Variants in ARL17B observed in about 807,000 individuals in gnomAD.
ARL17B encodes the protein ADP-ribosylation factor-like protein 17.
chr17:46,324,874 A>G lies in ARL17B; in HGVS notation c.260-25209T>C, dbSNP rs1424430951. On this transcript the variant is annotated intron_variant, in intron 3 of 4. Transcript: ENST00000434041. ...TATATTTATATATATGTACGTGTATATATGTATATGTATGCCTGCAGGGCC... is the reference window on the plus strand; with the variant it reads ...TATATTTATATATATGTACGTGTATGTATGTATATGTATGCCTGCAGGGCC... 6.6e-5 allele frequency among the ~76,000 whole-genome samples: 5 copies of G among 75,478 alleles called. 1 individual carries two copies. The highest frequency in any genetic ancestry group is 1.4e-4 in the Admixed American group (1 of 7,024). The allele number at this position is 75,478 out of a possible 152,430, so 49.5% of individuals were successfully genotyped here.
chr17:46,290,532 C>T (rs1305109052), intron 4 of ARL17B, among the ~76,000 whole-genome samples: 13 of 152,228 alleles, frequency 8.5e-5, no homozygotes, highest in South Asian at 2.1e-4. Context: ...CTGCAACCTC[C>T]GCCTTCTGGG....
At chr17:46,275,197 GC>G (rs2143282304) in exon 5 of ARL17B, 1 of 322,356 alleles carries the variant, frequency 3.1e-6, no homozygotes, top group South Asian at 4.3e-5. Context: ...TGGCAACTTT[GC>G]TTTTTTCTTG....
chr17:46,276,893 T>C (rs2049604884), intron 4 of ARL17B, among the ~76,000 whole-genome samples: 1 of 149,036 alleles, frequency 6.7e-6, no homozygotes, highest in Non-Finnish European at 1.5e-5. Context: ...AGCCTCAACC[T>C]CCAGGGCTCA....
At chr17:46,277,653 C>CTTTCTTTCTTTCT (rs143961379) in intron 4 of ARL17B, among the ~76,000 whole-genome samples, 165 of 137,868 alleles carry the variant, frequency 1.2e-3, no homozygotes, top group Admixed American at 2.0e-3. Flanking sequence ...TTCTTTCTTT[C>CTTTCTTTCTTTCT]TTTTTTTTTT....
chr17:46,350,848 C>CA (rs1200405020), intron 3 of ARL17B, among the ~76,000 whole-genome samples: 64 of 18,898 alleles, frequency 3.4e-3, no homozygotes, highest in East Asian at 0.013. Context: ...ACCCTGTCTC[C>CA]AAAAAAAAAA....
chr17:46,286,286 T>C (rs1430820479), intron 4 of ARL17B, among the ~76,000 whole-genome samples: 12 of 152,178 alleles, frequency 7.9e-5, no homozygotes, highest in Non-Finnish European at 8.8e-5. Flanking sequence ...GTAAAAAAAT[T>C]TATAAGAACA....
At chr17:46,286,310 G>A (rs1041894217) in intron 4 of ARL17B, among the ~76,000 whole-genome samples, 1 of 152,206 alleles carries the variant, frequency 6.6e-6, no homozygotes, top group African/African-American at 2.4e-5. Context: ...TAATTTTGGA[G>A]AACCAATTTA....
intron 4 of ARL17B, among the ~76,000 whole-genome samples, chr17:46,276,997 GT>G (rs1167294341): frequency 7.5e-6 from 1 of 133,252 alleles, no homozygotes; most frequent in Non-Finnish European, 1.8e-5. Context: ...TAGAGATGGG[GT>G]TTCCCCATGT....
chr17:46,286,063 T>C (rs575326560), intron 4 of ARL17B, among the ~76,000 whole-genome samples: 22 of 152,312 alleles, frequency 1.4e-4, no homozygotes, highest in African/African-American at 4.8e-4. Flanking sequence ...TGGTACCAAT[T>C]CTGACACCGA....
intron 4 of ARL17B, among the ~76,000 whole-genome samples, chr17:46,277,794 C>T (rs1161393683): frequency 6.6e-6 from 1 of 150,788 alleles, no homozygotes; most frequent in Non-Finnish European, 1.5e-5. Context: ...TTACAGGTGC[C>T]CACCCTTACG....
chr17:46,317,107 G>A (rs1431696031), intron 3 of ARL17B, among the ~76,000 whole-genome samples: 4 of 86,680 alleles, frequency 4.6e-5, no homozygotes, highest in African/African-American at 6.0e-5. Context: ...ATCATGGCCC[G>A]TTCTCAATGA....
At chr17:46,291,996 A>T (rs1338740777) in intron 4 of ARL17B, among the ~76,000 whole-genome samples, 1 of 130,632 alleles carries the variant, frequency 7.7e-6, no homozygotes, top group Non-Finnish European at 1.7e-5. Flanking sequence ...AAGCCAATAA[A>T]ATCAATGGTC....
At chr17:46,281,200 T>C (rs1402150154) in intron 4 of ARL17B, among the ~76,000 whole-genome samples, 1 of 152,184 alleles carries the variant, frequency 6.6e-6, no homozygotes, top group Non-Finnish European at 1.5e-5. Flanking sequence ...ACCTGGCTTA[T>C]AATGTTTATC....
At chr17:46,344,561 AC>A (rs1459793074) in intron 3 of ARL17B, among the ~76,000 whole-genome samples, 2 of 109,820 alleles carry the variant, frequency 1.8e-5, no homozygotes, top group African/African-American at 9.3e-5. Context: ...ATGCGTTTGT[AC>A]TAGGTGTTTA....
intron 4 of ARL17B, among the ~76,000 whole-genome samples, chr17:46,286,325 T>A (rs1368169029): frequency 1.3e-5 from 2 of 152,262 alleles, no homozygotes; most frequent in East Asian, 3.8e-4. Flanking sequence ...AATTTAAAGA[T>A]AAATATGAAA....
intron 4 of ARL17B, among the ~76,000 whole-genome samples, chr17:46,277,622 A>ATTTCTTTTCTTTTCT (rs1302169028): frequency 7.4e-6 from 1 of 135,060 alleles, no homozygotes. Flanking sequence ...CTCTGGGTAG[A>ATTTCTTTTCTTTTCT]TTTCTTTTCT....
At chr17:46,295,627 G>A, downstream of ARL17B, 1 of 46,142 alleles carries the variant, frequency 2.2e-5, no homozygotes, top group African/African-American at 4.5e-5. Flanking sequence ...GAGATTATTG[G>A]AATTACACGC....
downstream of ARL17B, among the ~76,000 whole-genome samples, chr17:46,274,294 T>C (rs1470061792): frequency 6.6e-6 from 1 of 152,268 alleles, no homozygotes; most frequent in Admixed American, 6.5e-5. Flanking sequence ...ACAAAGAAGA[T>C]ACCTTCAAAT....
intron 3 of ARL17B, among the ~76,000 whole-genome samples, chr17:46,350,344 T>G (rs1356062093): frequency 1.2e-5 from 1 of 81,906 alleles, no homozygotes; most frequent in African/African-American, 3.4e-5. Context: ...TTTGCCACAA[T>G]AAAAATTTTT....
Sources: gnomAD v4.1 joint callset for allele counts (sites outside exome capture counted in the v4.1 genomes callset) on GRCh38, gnomAD v4.1.1 for gene constraint, MANE v1.5 for transcripts, NCBI Gene and HGNC (gene_info 2026-07-23, HGNC 2026-07-21) for gene names.